The following MCHR2 variants were observed in gnomAD, a reference collection of about 807,000 sequenced individuals.
MCHR2 encodes the protein melanin concentrating hormone receptor 2, also known as melanin-concentrating hormone receptor 2.
Under a neutral mutation model 24.8 loss-of-function variants are expected in MCHR2, and 15 were observed. That is an observed-to-expected ratio of 0.60 (90% CI 0.40 to 0.93). The LOEUF (loss-of-function observed/expected upper bound fraction) is 0.93. MCHR2 is among the 40% of genes least tolerant of loss of function. The pLI, the probability that MCHR2 is intolerant of heterozygous loss-of-function variation, is 0.00. For synonymous variants in MCHR2, 151 were observed against 147.6 expected (o/e 1.02, Z -0.17); for missense variants, 386 against 408.7 (o/e 0.94, Z 0.48).
At position 99,985,240 on chromosome 6, in the gene MCHR2, T is replaced by G. The variant is rs547565063; in HGVS notation, c.-28+8696A>C. ...ATTGGAAGAACCAGTATCATCAAAATGACCATACTGCCCAAAACAATCTAC... is the reference window on the plus strand; with the variant it reads ...ATTGGAAGAACCAGTATCATCAAAAGGACCATACTGCCCAAAACAATCTAC... On this transcript the variant is annotated intron_variant, in intron 1 of 5. Transcript: ENST00000281806. Among the ~76,000 whole-genome samples the G allele has an allele frequency of 2.0e-5, 3 of 151,934 alleles. No homozygotes were observed. In the East Asian group the frequency reaches 5.8e-4, roughly 29 times the overall value.
intron 1 of MCHR2, among the ~76,000 whole-genome samples, chr6:99,976,314 A>T (rs1775550810): frequency 6.6e-6 from 1 of 152,218 alleles, no homozygotes; most frequent in Non-Finnish European, 1.5e-5. Flanking sequence ...GCCTTAGGAA[A>T]CTATGTGATT....
chr6:99,990,432 A>T (rs1582417323), intron 1 of MCHR2, among the ~76,000 whole-genome samples: 1 of 152,138 alleles, frequency 6.6e-6, no homozygotes, highest in East Asian at 1.9e-4. Context: ...GTGTGTGTGT[A>T]TTCATTTACT....
intron 5 of MCHR2, among the ~76,000 whole-genome samples, chr6:99,926,562 G>C (rs1266350630): frequency 2.0e-5 from 3 of 152,222 alleles, no homozygotes; most frequent in Admixed American, 6.5e-5. Flanking sequence ...TTGTGGTTTT[G>C]ATTTGCATTT....
intron 4 of MCHR2, among the ~76,000 whole-genome samples, chr6:99,938,456 T>A (rs1320741005): frequency 6.6e-6 from 1 of 152,138 alleles, no homozygotes; most frequent in Non-Finnish European, 1.5e-5. Flanking sequence ...ATTGACCCAC[T>A]AATCATTCAG....
chr6:99,954,377 C>T (rs927628654), intron 2 of MCHR2, among the ~76,000 whole-genome samples: 1 of 152,076 alleles, frequency 6.6e-6, no homozygotes, highest in Admixed American at 6.5e-5. Flanking sequence ...GCAGGTTGGG[C>T]ATCCCTAACT....
chr6:99,935,512 C>T (rs1009510020), intron 4 of MCHR2, among the ~76,000 whole-genome samples: 3 of 151,908 alleles, frequency 2.0e-5, no homozygotes, highest in Non-Finnish European at 2.9e-5. Flanking sequence ...GCCTTCATTT[C>T]TATTCATGTT....
intron 5 of MCHR2, among the ~76,000 whole-genome samples, chr6:99,923,566 C>T (rs901250909): frequency 6.6e-6 from 1 of 151,678 alleles, no homozygotes; most frequent in Non-Finnish European, 1.5e-5. Context: ...GTATGTTCCT[C>T]CTATAACTAG....
intron 5 of MCHR2, among the ~76,000 whole-genome samples, chr6:99,927,441 C>G (rs1774393042): frequency 1.3e-5 from 2 of 152,190 alleles, no homozygotes; most frequent in African/African-American, 4.8e-5. Flanking sequence ...TGGCCATTTT[C>G]ATGATGTTGA....
At chr6:99,952,655 T>G (rs2114536264) in intron 2 of MCHR2, among the ~76,000 whole-genome samples, 1 of 152,248 alleles carries the variant, frequency 6.6e-6, no homozygotes, top group South Asian at 2.1e-4. Context: ...ACAAACTGCC[T>G]TAAAATATTT....
chr6:99,950,555 A>C (rs1244850293), intron 2 of MCHR2, among the ~76,000 whole-genome samples: 2 of 152,154 alleles, frequency 1.3e-5, no homozygotes, highest in Non-Finnish European at 2.9e-5. Context: ...ACTCAATAGG[A>C]TGTACCTGTA....
intron 5 of MCHR2, among the ~76,000 whole-genome samples, chr6:99,922,107 T>G (rs1774247592): frequency 8.9e-5 from 1 of 11,288 alleles, no homozygotes; most frequent in African/African-American, 1.7e-4. Context: ...CATTTGTCCA[T>G]TTTTTTTTTT....
intron 4 of MCHR2, among the ~76,000 whole-genome samples, chr6:99,934,811 A>T (rs1354572095): frequency 2.0e-5 from 3 of 152,112 alleles, no homozygotes; most frequent in African/African-American, 7.2e-5. Flanking sequence ...AATGACAGGC[A>T]ACAGTATGTA....
chr6:99,930,622 G>T (rs1361701822), intron 5 of MCHR2, among the ~76,000 whole-genome samples: 3 of 151,760 alleles, frequency 2.0e-5, no homozygotes, highest in Admixed American at 2.0e-4. Context: ...TCTTCCAATC[G>T]ATCGCCATCA....
Position 99,972,348 on chromosome 6 carries a change from T to C in MCHR2, c.-27-16174A>G, listed in dbSNP as rs185066489. Reference sequence around the variant, plus strand: ...TTCTAGATTTTCTAGTTTATTTGCATAGAGGTGTTGGTAGTATTCTCTGAT... The same window carrying C: ...TTCTAGATTTTCTAGTTTATTTGCACAGAGGTGTTGGTAGTATTCTCTGAT... On this transcript the variant is annotated intron_variant, in intron 1 of 5. Transcript: ENST00000281806. Among the ~76,000 whole-genome samples the C allele has an allele frequency of 9.2e-5, 14 of 152,354 alleles. No individual in the cohort carries two copies. The East Asian group carries it at 2.7e-3, about 29-fold the overall frequency.
chr6:99,941,428 A>G (rs1582380740), intron 4 of MCHR2, among the ~76,000 whole-genome samples: 2 of 151,958 alleles, frequency 1.3e-5, no homozygotes, highest in African/African-American at 4.8e-5. Flanking sequence ...CCATTTTGGA[A>G]CTGGAAGTGC....
rs373364170 is a variant in MCHR2, at chr6:99,962,646, C to T, written c.-27-6472G>A. On this transcript the variant is annotated intron_variant, in intron 1 of 5. Coordinates refer to ENST00000281806, the MANE Select transcript of MCHR2 (RefSeq NM_001040179.2). ...GTATGACCAGAAATGTAAAACTCCT[C>T]GAAGAAAACATAGGGGAAATCTTCA... Among the ~76,000 whole-genome samples the T allele has an allele frequency of 6.0e-4, 92 of 152,114 alleles. 1 individual carries two copies. The South Asian group carries it at 0.011, about 18-fold the overall frequency.
chr6:99,984,935 C>T (rs994173494), intron 1 of MCHR2, among the ~76,000 whole-genome samples: 12 of 152,052 alleles, frequency 7.9e-5, no homozygotes, highest in African/African-American at 2.9e-4. Context: ...ACCCTAAGGA[C>T]TCCTTGAAGA....
intron 1 of MCHR2, among the ~76,000 whole-genome samples, chr6:99,971,880 T>C (rs1007303632): frequency 7.9e-5 from 12 of 152,260 alleles, no homozygotes; most frequent in African/African-American, 2.4e-4. Flanking sequence ...TTTATGTATG[T>C]TGAACCAGCC....
intron 4 of MCHR2, 116 bp downstream of exon 4, chr6:99,942,833 A>G: frequency 1.3e-6 from 1 of 745,062 alleles, no homozygotes; most frequent in Non-Finnish European, 2.1e-6. Context: ...TAATGGAGAT[A>G]CTGGCGAGAA....
Sources: gnomAD v4.1 joint callset for allele counts (sites outside exome capture counted in the v4.1 genomes callset) on GRCh38, gnomAD v4.1.1 for gene constraint, MANE v1.5 for transcripts, NCBI Gene and HGNC (gene_info 2026-07-23, HGNC 2026-07-21) for gene names.